OSBPL10: variants seen among roughly 807,000 people sequenced by gnomAD.
The protein encoded by OSBPL10 is oxysterol binding protein like 10, also known as oxysterol-binding protein-related protein 10.
A neutral mutation model predicts 81.7 loss-of-function variants in OSBPL10; 49 were observed. The ratio of observed to expected loss-of-function variants is 0.60; its 90% confidence interval spans 0.48 to 0.76. The LOEUF (loss-of-function observed/expected upper bound fraction) is 0.76. Ranked by LOEUF, OSBPL10 falls within the 30% of genes least tolerant of loss-of-function variation. OSBPL10 has a pLI of 0.00. For missense variants in OSBPL10, 923 were observed against 987.8 expected (o/e 0.93, Z 0.88); for synonymous variants, 419 against 383.6 (o/e 1.09, Z -1.08).
At chr3:31,690,468 T>C (rs1695500266) in intron 7 of OSBPL10, among the ~76,000 whole-genome samples, 1 of 152,194 alleles carries the variant, frequency 6.6e-6, no homozygotes, top group South Asian at 2.1e-4. Flanking sequence ...TCCATTGTGC[T>C]ACTCTTGCAA....
chr3:31,876,095 G>A (rs1055664613), intron 3 of OSBPL10, among the ~76,000 whole-genome samples: 5 of 151,776 alleles, frequency 3.3e-5, no homozygotes, highest in African/African-American at 1.2e-4. Context: ...CTAGATTTAC[G>A]AACTGTAAAT....
At chr3:32,057,073 G>T (rs1296111976) in intron 1 of OSBPL10, among the ~76,000 whole-genome samples, 2 of 152,258 alleles carry the variant, frequency 1.3e-5, no homozygotes, top group Non-Finnish European at 1.5e-5. Context: ...TACTCTATAT[G>T]GTCTAAAGTG....
At chr3:32,025,361 T>G (rs1333114535) in intron 2 of OSBPL10, among the ~76,000 whole-genome samples, 1 of 152,244 alleles carries the variant, frequency 6.6e-6, no homozygotes, top group Non-Finnish European at 1.5e-5. Flanking sequence ...TGGGATATTA[T>G]TGGTCATGGT....
intron 6 of OSBPL10, chr3:31,703,707 A>G (rs1695970149): frequency 6.6e-6 from 1 of 152,194 alleles, no homozygotes; most frequent in Non-Finnish European, 1.5e-5. Context: ...CTTCAACGTA[A>G]ATAGACGTTT....
intron 4 of OSBPL10, among the ~76,000 whole-genome samples, chr3:31,791,087 GA>G (rs34008735): frequency 0.7 from 106,099 of 151,318 alleles, 37,289 homozygotes; most frequent in East Asian, 0.8. Flanking sequence ...AAATGTCATG[GA>G]AAAAAAAAAT....
intron 8 of OSBPL10, among the ~76,000 whole-genome samples, chr3:31,672,108 G>A (rs1004936258): frequency 6.6e-6 from 1 of 151,976 alleles, no homozygotes; most frequent in African/African-American, 2.4e-5. Flanking sequence ...TGGGCTTCCA[G>A]TCCTCCAGTG....
intron 3 of OSBPL10, among the ~76,000 whole-genome samples, chr3:31,874,366 A>G (rs1195840434): frequency 1.3e-5 from 2 of 152,212 alleles, no homozygotes; most frequent in East Asian, 3.8e-4. Context: ...AAAAATAAAA[A>G]TACTCATAAA....
At chr3:31,956,246 C>T (rs1174190484) in intron 1 of OSBPL10, among the ~76,000 whole-genome samples, 1 of 152,190 alleles carries the variant, frequency 6.6e-6, no homozygotes, top group Non-Finnish European at 1.5e-5. Context: ...CTCTTTAGTA[C>T]AGGAGAGTCC....
chr3:31,876,389 G>A (rs766795466), intron 3 of OSBPL10, 44 bp downstream of exon 3: 4 of 1,503,700 alleles, frequency 2.7e-6, no homozygotes, highest in Non-Finnish European at 2.8e-6. Flanking sequence ...CTGAAAGCCA[G>A]GCTGGTTATT....
intron 5 of OSBPL10, among the ~76,000 whole-genome samples, chr3:31,734,678 T>C (rs1902345): frequency 0.1 from 15,727 of 152,082 alleles, 1,565 homozygotes; most frequent in African/African-American, 0.27. Flanking sequence ...GTCAAGGCTG[T>C]AGTAAACCCA....
At chr3:32,015,630 C>G (rs1699305039) in intron 2 of OSBPL10, among the ~76,000 whole-genome samples, 1 of 152,136 alleles carries the variant, frequency 6.6e-6, no homozygotes, top group Admixed American at 6.5e-5. Flanking sequence ...AGCTTCTGCA[C>G]AGCAAAAGAA....
chr3:31,698,574 G>A (rs1695799285), intron 7 of OSBPL10, among the ~76,000 whole-genome samples: 2 of 151,916 alleles, frequency 1.3e-5, no homozygotes, highest in Admixed American at 1.3e-4. Flanking sequence ...ATCCTAAACG[G>A]CCCTATAACC....
chr3:31,864,271 CTG>C (rs1701122729), intron 3 of OSBPL10, among the ~76,000 whole-genome samples: 1 of 152,182 alleles, frequency 6.6e-6, no homozygotes, highest in Non-Finnish European at 1.5e-5. Context: ...GAGTCTCACT[CTG>C]TTGCCCAGGC....
At chr3:31,760,934 AT>A (rs1340602839) in intron 4 of OSBPL10, among the ~76,000 whole-genome samples, 1 of 152,066 alleles carries the variant, frequency 6.6e-6, no homozygotes, top group Non-Finnish European at 1.5e-5. Context: ...CTTTAAAAAG[AT>A]TTTGTGAAAA....
At position 31,965,894 on chromosome 3, in the gene OSBPL10, T is replaced by A. The variant is rs1362146680; in HGVS notation, c.281+15005A>T. Among the ~76,000 whole-genome samples, 43 of 78,266 alleles carry A rather than the reference T, an allele frequency of 5.5e-4. 5 individuals are homozygous for A. Among genetic ancestry groups the A allele is most frequent in the African/African-American group, 2.6e-3 (31 of 11,836 alleles). The allele number at this position is 78,266 out of a possible 152,430, so 51.3% of individuals were successfully genotyped here. On this transcript the variant is annotated intron_variant, in intron 1 of 11. Coordinates refer to ENST00000396556, the MANE Select transcript of OSBPL10 (RefSeq NM_017784.5). ...TATTATATAAAATAGATAACATATA[T>A]TATATATTATATAAAATAGATAATA...
chr3:31,714,625 C>G (rs537212989), intron 6 of OSBPL10: 3 of 152,414 alleles, frequency 2.0e-5, no homozygotes, highest in Admixed American at 6.5e-5. Context: ...TTCAGCCCTG[C>G]GTGCACTCGA....
At position 31,798,663 on chromosome 3, in the gene OSBPL10, G is replaced by A. The variant is rs549628634; in HGVS notation, c.729+31377C>T. On this transcript the variant is annotated intron_variant, in intron 4 of 11. Coordinates refer to ENST00000396556, the MANE Select transcript of OSBPL10 (RefSeq NM_017784.5). ...TTACATTATATTTCTGTTGGACCATGCCAACATAATCTACCTTCCCCTGCC... is the reference window on the plus strand; with the variant it reads ...TTACATTATATTTCTGTTGGACCATACCAACATAATCTACCTTCCCCTGCC... 2.6e-5 allele frequency among the ~76,000 whole-genome samples: 4 copies of A among 152,108 alleles called. No homozygotes were observed. In the East Asian group the frequency reaches 7.7e-4, roughly 29 times the overall value.
In OSBPL10 at chr3:31,668,687, G is replaced by A; in HGVS notation, c.2051C>T (p.Pro684Leu). ...VIDTTTLPVY[P>L]KKIRPLEKQG... is the part of the protein sequence containing the mutation. ...CTTCTCAAGAGGTCTGATCTTCTTG[G>A]GATACACTGGCAGTGTGGTTGTGTC... Residue 684 changes from proline (P) to leucine (L), a missense_variant, in exon 10 of 12, where the codon CCC becomes CTC. Pro to Leu is a moderately conservative substitution (Grantham distance 98). Around this residue, in one of 3 missense-constraint regions of OSBPL10, gnomAD observed 387 missense variants for 436.3 expected, o/e 0.89. Coordinates refer to ENST00000396556, the MANE Select transcript of OSBPL10 (RefSeq NM_017784.5). 1 of 1,613,956 alleles carries A rather than the reference G, an allele frequency of 6.2e-7. No individual in the cohort carries two copies. Among genetic ancestry groups the A allele is most frequent in the Non-Finnish European group, 8.5e-7 (1 of 1,179,926 alleles).
rs563686590 is a variant in OSBPL10 at position 31,794,910 on chromosome 3, C to T, written c.729+35130G>A. ...AGAAGCAGCACATTGGAGAGAAACT[C>T]GAGAGAAGGGGTGCCAGAGAAGTGT... On this transcript the variant is annotated intron_variant, in intron 4 of 11. Coordinates refer to ENST00000396556, the MANE Select transcript of OSBPL10 (RefSeq NM_017784.5). The T allele has an allele frequency of 1.0e-4, 36 of 360,030 alleles. No homozygotes were observed. The Admixed American group carries it at 1.1e-3, about 11-fold the overall frequency. 22.3% of individuals were successfully genotyped at this position (360,030 alleles called of 1,614,324 possible). A position where few individuals can be genotyped will look rare whatever the true frequency, so the allele number is the denominator to read the frequency against.
Sources: allele counts gnomAD v4.1 joint callset (sites outside exome capture counted in the v4.1 genomes callset), GRCh38; gene constraint gnomAD v4.1.1; regional missense constraint gnomAD v4.1.1; transcripts MANE v1.5; gene names NCBI Gene and HGNC (gene_info 2026-07-23, HGNC 2026-07-21).